KALRN: variants seen among roughly 807,000 people sequenced by gnomAD.
KALRN encodes the protein kalirin.
A neutral mutation model predicts 353.7 loss-of-function variants in KALRN; 70 were observed. The observed-to-expected ratio is 0.20, with a 90% CI of 0.16 to 0.24. The LOEUF (loss-of-function observed/expected upper bound fraction) is 0.24. Among genes scored for constraint, KALRN ranks in the 10% least tolerant of loss-of-function variants. KALRN has a pLI of 1.00. For synonymous variants in KALRN, 1,391 were observed against 1,434.8 expected (o/e 0.97, Z 0.69); for missense variants, 2,791 against 3,756.7 (o/e 0.74, Z 6.72).
At position 124,395,128 on chromosome 3, in the gene KALRN, T is replaced by C. The variant is rs1022247434; in HGVS notation, c.1963-7T>C. On this transcript the variant is annotated splice_region_variant and splice_polypyrimidine_tract_variant and intron_variant, in intron 11 of 59. Coordinates refer to ENST00000682506, the MANE Select transcript of KALRN (RefSeq NM_001388419.1). ...CCCTGAGTGGAATCTCTGCTCTCTC[T>C]CTACAGTTGTGGACATGGATGGAAG... is the stretch of plus-strand genomic sequence containing the variant. 4 of 1,609,048 alleles carry C rather than the reference T, an allele frequency of 2.5e-6. No homozygotes were observed. Among genetic ancestry groups the C allele is most frequent in the Admixed American group, 3.3e-5 (2 of 59,926 alleles).
intron 3 of KALRN, among the ~76,000 whole-genome samples, chr3:124,256,561 G>T (rs138029761): frequency 1.3e-5 from 2 of 152,180 alleles, no homozygotes; most frequent in Admixed American, 6.5e-5. Flanking sequence ...GTCTTCAATA[G>T]TGGGCTGCTA....
intron 1 of KALRN, among the ~76,000 whole-genome samples, chr3:124,151,750 G>T (rs2068134532): frequency 1.3e-5 from 2 of 151,740 alleles, no homozygotes; most frequent in African/African-American, 2.4e-5. Flanking sequence ...AGTACTTTTT[G>T]TGTCCTGTTT....
At position 124,660,925 on chromosome 3, in the gene KALRN, C is replaced by G. The variant is rs1460269844; in HGVS notation, c.6219C>G (p.Asp2073Glu). Residue 2073 changes from aspartate to glutamate, a missense_variant and splice_region_variant, in exon 44 of 60, where the codon GAC becomes GAG. Around this residue, in one of 11 missense-constraint regions of KALRN, gnomAD observed 1,065 missense variants for 1,156.4 expected, o/e 0.92. Transcript: ENST00000682506. Reference protein sequence around the residue: ...RITKYQLLLKDFLRYSEKAGL... With the variant: ...RITKYQLLLKEFLRYSEKAGL... ...TGCCTGCTTCCCCTACTTGTTAGGA[C>G]TTCCTGAGATACAGTGAGAAGGCTG... The G allele has an allele frequency of 6.2e-7, 1 of 1,609,210 alleles. No individual in the cohort carries two copies. The highest frequency in any genetic ancestry group is 1.7e-5 in the Admixed American group (1 of 60,010).
chr3:124,660,107 T>A (rs1288332679), intron 43 of KALRN, among the ~76,000 whole-genome samples: 1 of 151,600 alleles, frequency 6.6e-6, no homozygotes, highest in African/African-American at 2.4e-5. Flanking sequence ...AATTTTTTAT[T>A]TTTTTTGTAG....
At position 124,398,839 on chromosome 3, in the gene KALRN, C is replaced by A. The variant is rs150500689; in HGVS notation, c.2314C>A (p.Gln772Lys). 2 of 1,613,658 alleles carry A rather than the reference C, an allele frequency of 1.2e-6. No homozygotes were observed. Among genetic ancestry groups the A allele is most frequent in the East Asian group, 2.2e-5 (1 of 44,862 alleles). Residue 772 changes from glutamine (Q) to lysine (K), a missense_variant, in exon 13 of 60, where the codon CAA becomes AAA. By Grantham distance (53) the Gln-to-Lys change is moderately conservative (BLOSUM62 1). Transcript: ENST00000682506. Reference protein sequence around the residue: ...ERKIKLDIFLQLRIFEQYTIE... With the variant: ...ERKIKLDIFLKLRIFEQYTIE... The stretch of plus-strand genomic sequence containing the variant: ...GAAGATCAAGCTGGACATCTTCCTG[C>A]AACTGCGCATCTTTGAGCAGTACAC...
chr3:124,351,044 T>C (rs962720914), intron 10 of KALRN, among the ~76,000 whole-genome samples: 3 of 152,180 alleles, frequency 2.0e-5, no homozygotes, highest in Non-Finnish European at 2.9e-5. Context: ...GCAGGTTGAC[T>C]GTCAGTAGCA....
At position 124,120,711 on chromosome 3, in the gene KALRN, A is replaced by AT. The variant is rs2063898907; in HGVS notation, c.73+86898_73+86899insT. Reference sequence around the variant, plus strand: ...TTACAATCCAGATAGGAATACTAAAAATATATATATATATATATATATATA... The same window carrying AT: ...TTACAATCCAGATAGGAATACTAAAATATATATATATATATATATATATATA... On this transcript the variant is annotated intron_variant, in intron 1 of 59. Coordinates refer to ENST00000682506, the MANE Select transcript of KALRN (RefSeq NM_001388419.1). Among the ~76,000 whole-genome samples, 547 of 98,888 alleles carry AT rather than the reference A, an allele frequency of 5.5e-3. 6 individuals are homozygous for AT. The highest frequency in any genetic ancestry group is 0.019 in the African/African-American group (455 of 23,456). 64.9% of individuals were successfully genotyped at this position (98,888 alleles called of 152,430 possible).
chr3:124,230,493 C>A (rs2079020154), intron 2 of KALRN, among the ~76,000 whole-genome samples: 1 of 152,150 alleles, frequency 6.6e-6, no homozygotes, highest in South Asian at 2.1e-4. Flanking sequence ...CATGTAAATT[C>A]AGTCAGAGCC....
chr3:124,506,528 T>C (rs1370929889), intron 33 of KALRN, among the ~76,000 whole-genome samples: 2 of 152,224 alleles, frequency 1.3e-5, no homozygotes, highest in East Asian at 3.9e-4. Flanking sequence ...GAGGTATACA[T>C]TAACTAGAAT....
intron 1 of KALRN, among the ~76,000 whole-genome samples, chr3:124,152,688 G>A (rs147578162): frequency 0.02 from 3,070 of 150,120 alleles, 95 homozygotes; most frequent in African/African-American, 0.071. Context: ...CTGCTGCCCG[G>A]GTTCAAGCGA....
At chr3:124,422,006 T>C (rs2092804658) in intron 14 of KALRN, among the ~76,000 whole-genome samples, 1 of 152,216 alleles carries the variant, frequency 6.6e-6, no homozygotes, top group South Asian at 2.1e-4. Context: ...TACATAAACA[T>C]TGGGAACACT....
intron 1 of KALRN, among the ~76,000 whole-genome samples, chr3:124,169,390 G>A (rs551814738): frequency 1.3e-5 from 2 of 152,234 alleles, no homozygotes; most frequent in Non-Finnish European, 2.9e-5. Context: ...ACAGGGTAAG[G>A]GCTCACAGGA....
chr3:124,286,126 T>TC (rs760210483), intron 5 of KALRN, among the ~76,000 whole-genome samples: 1 of 148,664 alleles, frequency 6.7e-6, no homozygotes, highest in African/African-American at 2.5e-5. Flanking sequence ...TTTCTTTCTT[T>TC]CTTTCTTTCT....
chr3:124,051,044 T>A (rs941819235), intron 1 of KALRN, among the ~76,000 whole-genome samples: 1 of 152,110 alleles, frequency 6.6e-6, no homozygotes, highest in Non-Finnish European at 1.5e-5. Context: ...GGAAGAAAGG[T>A]TTAGAAATGA....
intron 21 of KALRN, among the ~76,000 whole-genome samples, chr3:124,451,610 G>A: frequency 6.6e-6 from 1 of 152,176 alleles, no homozygotes; most frequent in South Asian, 2.1e-4. Context: ...GGCTTAGGTT[G>A]AACGAGAAAA....
chr3:124,643,692 GTTGCCCAGAC>G (rs2082364122), intron 37 of KALRN, among the ~76,000 whole-genome samples: 1 of 152,030 alleles, frequency 6.6e-6, no homozygotes. Context: ...GTCTCGCTTT[GTTGCCCAGAC>G]TGGCGTTGAA....
intron 1 of KALRN, among the ~76,000 whole-genome samples, chr3:124,102,585 G>A (rs1188056355): frequency 1.3e-5 from 2 of 152,160 alleles, no homozygotes; most frequent in Non-Finnish European, 2.9e-5. Flanking sequence ...TGTGTGACCC[G>A]TGTTTGGTAC....
At chr3:124,302,650 T>C (rs979351353) in intron 6 of KALRN, among the ~76,000 whole-genome samples, 7 of 152,230 alleles carry the variant, frequency 4.6e-5, no homozygotes, top group Non-Finnish European at 1.0e-4. Context: ...ATTAATTTGC[T>C]AGGGCTGCCA....
At chr3:124,642,806 G>GTTGTTTTTTTTTTTT (rs796628603) in intron 37 of KALRN, among the ~76,000 whole-genome samples, 1,409 of 96,640 alleles carry the variant, frequency 0.015, 134 homozygotes, top group Middle Eastern at 0.031. Context: ...CCCAAGCCTC[G>GTTGTTTTTTTTTTTT]TTTTTTTTTT....
Sources: allele counts gnomAD v4.1 joint callset (sites outside exome capture counted in the v4.1 genomes callset), GRCh38; gene constraint gnomAD v4.1.1; regional missense constraint gnomAD v4.1.1; transcripts MANE v1.5; gene names NCBI Gene and HGNC (gene_info 2026-07-23, HGNC 2026-07-21).